Variants in SRSF4 observed in about 807,000 individuals in gnomAD.
SRSF4 encodes serine/arginine-rich splicing factor 4.
In SRSF4, 12 loss-of-function variants were observed where a neutral mutation model predicts 48.8. That is an observed-to-expected ratio of 0.25 (90% CI 0.16 to 0.40). The LOEUF is 0.40. Ranked by LOEUF, SRSF4 falls within the 10% of genes least tolerant of loss-of-function variation. The pLI is 1.00. For missense variants in SRSF4, 466 were observed against 667.1 expected, an observed-to-expected ratio of 0.70 and a Z score of 3.32; for synonymous variants, 248 against 232.5, an observed-to-expected ratio of 1.07 and a Z score of -0.61.
chr1:29,176,797 T>C lies in SRSF4; in HGVS notation c.107+4849A>G, dbSNP rs576303310. Among the ~76,000 whole-genome samples, 8 of 152,310 alleles carry C rather than the reference T, an allele frequency of 5.3e-5. No homozygotes were observed. In the East Asian group the frequency reaches 1.5e-3, roughly 29 times the overall value. Reference sequence around the variant, plus strand: ...CAAAAATTTTCTGGTAATAATTAGATAGCATGACTAAACAGACCACAACAT... The same window carrying C: ...CAAAAATTTTCTGGTAATAATTAGACAGCATGACTAAACAGACCACAACAT... On this transcript the variant is annotated intron_variant, in intron 1 of 5. Coordinates refer to ENST00000373795, the MANE Select transcript of SRSF4 (RefSeq NM_005626.5).
At chr1:29,170,000 C>T (rs1672725366) in intron 1 of SRSF4, 1 of 152,222 alleles carries the variant, frequency 6.6e-6, no homozygotes, top group Non-Finnish European at 1.5e-5. Context: ...CACTTTTACA[C>T]TGCAAATAGT....
intron 3 of SRSF4, among the ~76,000 whole-genome samples, chr1:29,158,934 G>A (rs1372833409): frequency 1.3e-5 from 2 of 152,024 alleles, no homozygotes; most frequent in South Asian, 2.1e-4. Context: ...GTGAAACCTC[G>A]TCTCTACTAA....
intron 1 of SRSF4, chr1:29,171,694 C>T (rs966753960): frequency 2.0e-5 from 3 of 152,038 alleles, no homozygotes; most frequent in East Asian, 3.9e-4. Context: ...TTCTGAGGAG[C>T]TCAAAGTAAA....
At position 29,148,382 on chromosome 1, in the gene SRSF4, G is replaced by A. The variant is rs961215592; in HGVS notation, c.*28C>T. ...ACCAAACATGTACAAAAGACTTCTCGGGTAGTTCCAGCTGTGGCCATAGCC... is the reference window on the plus strand; with the variant it reads ...ACCAAACATGTACAAAAGACTTCTCAGGTAGTTCCAGCTGTGGCCATAGCC... On this transcript the variant is annotated 3_prime_UTR_variant, in exon 6 of 6. Transcript: ENST00000373795. 1.4e-5 allele frequency: 22 copies of A among 1,562,666 alleles called. No individual in the cohort carries two copies. Among genetic ancestry groups the A allele is most frequent in the Non-Finnish European group, 1.7e-5 (20 of 1,155,228 alleles).
At chr1:29,151,426 C>T (rs950590894) in intron 4 of SRSF4, among the ~76,000 whole-genome samples, 3 of 151,944 alleles carry the variant, frequency 2.0e-5, no homozygotes, top group South Asian at 2.1e-4. Context: ...GAACCTGGGA[C>T]GCAGAGGCTG....
intron 1 of SRSF4, among the ~76,000 whole-genome samples, chr1:29,176,525 C>T (rs1045586585): frequency 1.3e-5 from 2 of 151,524 alleles, no homozygotes; most frequent in African/African-American, 4.8e-5. Context: ...TGTAACAGCT[C>T]ATCTAACCAG....
chr1:29,157,596 C>T (rs1455946021), intron 3 of SRSF4, among the ~76,000 whole-genome samples: 2 of 152,124 alleles, frequency 1.3e-5, no homozygotes, highest in East Asian at 3.9e-4. Flanking sequence ...GGTCCCAGCT[C>T]TTCTGCATGT....
At chr1:29,168,037 A>C (rs1457991316) in intron 1 of SRSF4, among the ~76,000 whole-genome samples, 1 of 150,576 alleles carries the variant, frequency 6.6e-6, no homozygotes, top group Admixed American at 6.6e-5. Flanking sequence ...TTTAAAAAAA[A>C]CATAGTCTCG....
rs1208747854 is a variant in SRSF4, at chr1:29,165,160, T to C, written c.108-4643A>G. Among the ~76,000 whole-genome samples the C allele has an allele frequency of 2.0e-5, 3 of 152,172 alleles. No homozygotes were observed. In the East Asian group the frequency reaches 5.8e-4, roughly 29 times the overall value. ...ACCTAGTCAAAAGAATGAGGGGAAGTTGCTGTCATTTTCCCTGTAAAAAAA... is the reference window on the plus strand; with the variant it reads ...ACCTAGTCAAAAGAATGAGGGGAAGCTGCTGTCATTTTCCCTGTAAAAAAA... On this transcript the variant is annotated intron_variant, in intron 1 of 5. Transcript: ENST00000373795.
At chr1:29,165,040 C>CA (rs62697764) in intron 1 of SRSF4, among the ~76,000 whole-genome samples, 3,455 of 151,926 alleles carry the variant, frequency 0.023, 132 homozygotes, top group African/African-American at 0.078. Context: ...TCCCAAATCC[C>CA]AAAAAAAACC....
intron 4 of SRSF4, among the ~76,000 whole-genome samples, chr1:29,151,844 C>T (rs969083262): frequency 2.6e-5 from 4 of 152,186 alleles, no homozygotes. Context: ...AATAAATGTA[C>T]AGTGTGCTTG....
At chr1:29,155,810 AGT>A (rs1482085566) in intron 3 of SRSF4, among the ~76,000 whole-genome samples, 1 of 152,210 alleles carries the variant, frequency 6.6e-6, no homozygotes, top group East Asian at 1.9e-4. Flanking sequence ...TAAATCTTAT[AGT>A]GACAAATTAT....
intron 4 of SRSF4, among the ~76,000 whole-genome samples, chr1:29,153,820 C>T (rs901849008): frequency 3.3e-5 from 5 of 150,824 alleles, no homozygotes; most frequent in African/African-American, 7.3e-5. Flanking sequence ...AGGCTGGTCT[C>T]GAACTCCTGA....
intron 1 of SRSF4, among the ~76,000 whole-genome samples, chr1:29,175,366 A>G (rs992603083): frequency 6.6e-6 from 1 of 151,544 alleles, no homozygotes; most frequent in Admixed American, 6.6e-5. Flanking sequence ...GTGCCACTGC[A>G]TTCCAGCCTG....
chr1:29,175,163 TG>T (rs1224151898), intron 1 of SRSF4, among the ~76,000 whole-genome samples: 1 of 152,086 alleles, frequency 6.6e-6, no homozygotes, highest in Admixed American at 6.5e-5. Context: ...GGCTCACGCC[TG>T]TAATCCCAGC....
intron 4 of SRSF4, 89 bp downstream of exon 4, chr1:29,154,607 G>T (rs1375385569): frequency 8.0e-7 from 1 of 1,256,724 alleles, no homozygotes; most frequent in East Asian, 2.4e-5. Context: ...ATGTTATTAA[G>T]AACTCAACAG....
At chr1:29,178,086 G>C (rs1672896522) in intron 1 of SRSF4, among the ~76,000 whole-genome samples, 1 of 151,422 alleles carries the variant, frequency 6.6e-6, no homozygotes, top group Admixed American at 6.6e-5. Context: ...TTTTAGTAGA[G>C]ATGGGGTTTC....
intron 4 of SRSF4, chr1:29,154,462 TG>T: frequency 2.0e-6 from 1 of 498,828 alleles, no homozygotes; most frequent in Non-Finnish European, 3.5e-6. Flanking sequence ...CCCAAAGTGC[TG>T]GGATTACAGG....
intron 1 of SRSF4, chr1:29,166,148 C>CT (rs1267493478): frequency 6.6e-6 from 1 of 152,140 alleles, no homozygotes; most frequent in Non-Finnish European, 1.5e-5. Flanking sequence ...TAGCACTGTA[C>CT]TTTAAGGGGA....
Sources: gnomAD v4.1 joint callset for allele counts (sites outside exome capture counted in the v4.1 genomes callset) on GRCh38, gnomAD v4.1.1 for gene constraint, MANE v1.5 for transcripts, NCBI Gene and HGNC (gene_info 2026-07-23, HGNC 2026-07-21) for gene names.